The following CPED1 variants were observed in gnomAD, a reference collection of about 807,000 sequenced individuals.
CPED1 encodes cadherin like and PC-esterase domain containing 1, also known as cadherin-like and PC-esterase domain-containing protein 1.
In CPED1, 114 loss-of-function variants were observed where a neutral mutation model predicts 128.2. The ratio of observed to expected loss-of-function variants is 0.89; its 90% CI spans 0.76 to 1.04. The LOEUF (loss-of-function observed/expected upper bound fraction) is 1.04. Ranked by LOEUF, CPED1 falls within the 50% of genes least tolerant of loss-of-function variation. The probability of loss-of-function intolerance (pLI) is 0.00; values close to 1 mark genes in which losing one functional copy is unlikely to be tolerated. For synonymous variants in CPED1, 462 were observed against 426.7 expected (o/e 1.08, Z -1.02); for missense variants, 1,211 against 1,207.1 (o/e 1.00, Z -0.05).
At chr7:121,087,882 G>T (rs1164573093) in intron 5 of CPED1, among the ~76,000 whole-genome samples, 3 of 151,744 alleles carry the variant, frequency 2.0e-5, no homozygotes, top group Non-Finnish European at 2.9e-5. Context: ...GGCTGATCTT[G>T]AACTCCTGAC....
At chr7:121,231,113 A>G (rs1434088196) in intron 16 of CPED1, among the ~76,000 whole-genome samples, 1 of 152,100 alleles carries the variant, frequency 6.6e-6, no homozygotes, top group African/African-American at 2.4e-5. Flanking sequence ...GGGCATGACT[A>G]TAGAAAAGGT....
At chr7:121,022,372 A>G (rs1469762208) in intron 3 of CPED1, among the ~76,000 whole-genome samples, 1 of 152,020 alleles carries the variant, frequency 6.6e-6, no homozygotes, top group Non-Finnish European at 1.5e-5. Flanking sequence ...GATAGTTTAT[A>G]CATCAAATGA....
intron 22 of CPED1, among the ~76,000 whole-genome samples, chr7:121,284,301 A>T (rs1439383860): frequency 6.6e-6 from 1 of 152,154 alleles, no homozygotes; most frequent in Non-Finnish European, 1.5e-5. Context: ...CGTGTGGATT[A>T]TGGGAACTAA....
intron 5 of CPED1, among the ~76,000 whole-genome samples, chr7:121,071,498 C>A (rs1306823169): frequency 6.6e-6 from 1 of 151,950 alleles, no homozygotes; most frequent in Non-Finnish European, 1.5e-5. Context: ...CATATCTTTG[C>A]TACTTTTTCT....
intron 14 of CPED1, among the ~76,000 whole-genome samples, chr7:121,137,419 C>T (rs1367433904): frequency 3.3e-5 from 5 of 152,066 alleles, no homozygotes; most frequent in East Asian, 1.9e-4. Context: ...GTGGTCCTCC[C>T]GCCTCAGCCT....
chr7:121,026,441 G>A (rs1792583173), intron 3 of CPED1, among the ~76,000 whole-genome samples: 1 of 151,988 alleles, frequency 6.6e-6, no homozygotes, highest in Admixed American at 6.6e-5. Flanking sequence ...CTCCCCTATT[G>A]TTTTCTGCTA....
chr7:121,208,385 T>C (rs1458563181), intron 16 of CPED1, among the ~76,000 whole-genome samples: 1 of 152,072 alleles, frequency 6.6e-6, no homozygotes, highest in Admixed American at 6.6e-5. Flanking sequence ...AGGTACATGA[T>C]GTGATTAGTG....
intron 5 of CPED1, among the ~76,000 whole-genome samples, chr7:121,064,734 T>C (rs1400417512): frequency 6.6e-6 from 1 of 152,194 alleles, no homozygotes; most frequent in Non-Finnish European, 1.5e-5. Context: ...TCAATTTGTC[T>C]GTGTGTTAAA....
intron 3 of CPED1, among the ~76,000 whole-genome samples, chr7:121,021,549 T>G (rs921282675): frequency 2.0e-5 from 3 of 152,000 alleles, no homozygotes; most frequent in African/African-American, 7.2e-5. Flanking sequence ...GAGCTTTAAA[T>G]TGCCCATAAG....
At position 121,142,116 on chromosome 7, in the gene CPED1, C is replaced by T. The variant is rs1209244737; in HGVS notation, c.2030C>T (p.Ala677Val). The T allele has an allele frequency of 7.4e-6, 12 of 1,611,272 alleles. No individual in the cohort carries two copies. The highest frequency in any genetic ancestry group is 1.3e-5 in the African/African-American group (1 of 74,812). ...EDRPSLPLFE[A>V]FTACGFVQDC... ...CGCCCAAGTCTGCCCTTGTTTGAGG[C>T]CTTCACAGCATGTGGTTTTGTGCAG... The change falls in exon 16 of 23, where the codon GCC (alanine) becomes GTC (valine). Residue 677 changes from alanine to valine, a missense_variant. Physicochemically the swap from Ala to Val is moderately conservative, Grantham distance 64. Transcript: ENST00000310396.
chr7:121,260,137 A>G (rs1419454836), intron 18 of CPED1, among the ~76,000 whole-genome samples: 1 of 150,750 alleles, frequency 6.6e-6, no homozygotes. Flanking sequence ...AACAATCCAG[A>G]GATAATGGCA....
intron 1 of CPED1, 131 bp downstream of exon 1, chr7:120,989,043 G>A (rs142413727): frequency 1.3e-5 from 2 of 154,208 alleles, no homozygotes; most frequent in African/African-American, 2.4e-5. Context: ...ACAGGACAGT[G>A]GGAATTTAAA....
At chr7:121,000,649 A>G (rs1360301319) in intron 2 of CPED1, among the ~76,000 whole-genome samples, 1 of 152,154 alleles carries the variant, frequency 6.6e-6, no homozygotes, top group Non-Finnish European at 1.5e-5. Flanking sequence ...CAGGCCAGTC[A>G]GAGTAACTTG....
intron 5 of CPED1, among the ~76,000 whole-genome samples, chr7:121,067,001 A>G (rs1183924028): frequency 1.3e-5 from 2 of 152,122 alleles, no homozygotes; most frequent in Non-Finnish European, 2.9e-5. Flanking sequence ...TGCAAATACG[A>G]CATCATTTTA....
At chr7:121,118,348 G>T (rs1459031387) in intron 7 of CPED1, among the ~76,000 whole-genome samples, 2 of 152,012 alleles carry the variant, frequency 1.3e-5, no homozygotes, top group South Asian at 4.1e-4. Flanking sequence ...GGATCATGAG[G>T]TCAGGAGTTC....
intron 12 of CPED1, among the ~76,000 whole-genome samples, chr7:121,131,784 C>T (rs1411196824): frequency 1.3e-5 from 2 of 151,924 alleles, no homozygotes; most frequent in African/African-American, 2.4e-5. Flanking sequence ...ACTCAGTTTT[C>T]TTATCTGCAA....
chr7:121,241,738 A>G (rs941343993), intron 17 of CPED1, among the ~76,000 whole-genome samples: 2 of 152,122 alleles, frequency 1.3e-5, no homozygotes, highest in Non-Finnish European at 2.9e-5. Flanking sequence ...CTCTTTCTCT[A>G]TTTGGAACAA....
At chr7:121,223,273 G>A (rs1797927625) in intron 16 of CPED1, among the ~76,000 whole-genome samples, 1 of 151,978 alleles carries the variant, frequency 6.6e-6, no homozygotes, top group African/African-American at 2.4e-5. Context: ...TGATTTGTGT[G>A]TGTTGAACCA....
At chr7:121,121,351 A>C (rs1795382437) in intron 7 of CPED1, among the ~76,000 whole-genome samples, 1 of 152,160 alleles carries the variant, frequency 6.6e-6, no homozygotes, top group Non-Finnish European at 1.5e-5. Flanking sequence ...AAATGTAAAT[A>C]CCTTACTAGT....
Sources: gnomAD v4.1 joint callset for allele counts (sites outside exome capture counted in the v4.1 genomes callset) on GRCh38, gnomAD v4.1.1 for gene constraint, MANE v1.5 for transcripts, NCBI Gene and HGNC (gene_info 2026-07-23, HGNC 2026-07-21) for gene names.